ZNF652: variants seen among roughly 807,000 people sequenced by gnomAD.
ZNF652 encodes zinc finger protein 652.
In ZNF652, 16 loss-of-function variants were observed where a neutral mutation model predicts 45.2. The observed-to-expected ratio is 0.35, with a 90% CI of 0.24 to 0.54. The LOEUF is 0.54. Among genes scored for constraint, ZNF652 ranks in the 20% least tolerant of loss-of-function variants. The probability of loss-of-function intolerance (pLI) is 0.91; values close to 1 mark genes in which losing one functional copy is unlikely to be tolerated. For synonymous variants in ZNF652, 250 were observed against 260.6 expected (o/e 0.96, Z 0.39); for missense variants, 614 against 765.6 (o/e 0.80, Z 2.34).
chr17:49,306,683 A>G (rs550074823), intron 5 of ZNF652, among the ~76,000 whole-genome samples: 5 of 152,332 alleles, frequency 3.3e-5, no homozygotes, highest in Admixed American at 6.5e-5. Flanking sequence ...TCTCTTTGCT[A>G]TAATAATCCT....
chr17:49,303,477 T>A (rs2069583364), intron 5 of ZNF652, among the ~76,000 whole-genome samples: 1 of 152,112 alleles, frequency 6.6e-6, no homozygotes, highest in Non-Finnish European at 1.5e-5. Context: ...TGACTTCAAC[T>A]GATCCATCCA....
chr17:49,304,421 G>A (rs980337667), intron 5 of ZNF652, among the ~76,000 whole-genome samples: 5 of 151,952 alleles, frequency 3.3e-5, no homozygotes, highest in African/African-American at 9.7e-5. Flanking sequence ...TCATTAGGCC[G>A]CATCTCCTAA....
At chr17:49,311,840 TG>T in intron 4 of ZNF652, 86 bp downstream of exon 4, 1 of 1,145,864 alleles carries the variant, frequency 8.7e-7, no homozygotes, top group Admixed American at 2.1e-5. Context: ...TTGTGCCTCC[TG>T]CTCCAGCACA....
chr17:49,298,033 TC>T lies in ZNF652; in HGVS notation c.*379del, dbSNP rs2143693079. The T allele has an allele frequency of 4.7e-6, 1 of 210,576 alleles. No homozygotes were observed. The highest frequency in any genetic ancestry group is 7.9e-5 in the South Asian group (1 of 12,650). The allele number at this position is 210,576 out of a possible 1,614,324, so 13.0% of individuals were successfully genotyped here. On this transcript the variant is annotated 3_prime_UTR_variant, in exon 6 of 6. Coordinates refer to ENST00000430262, the MANE Select transcript of ZNF652 (RefSeq NM_001145365.3). ...ATGCTCTGGATTAATCTCACAGCCT[TC>T]CCGATTAGTACAAAGGAAACCAGGC... is the stretch of plus-strand genomic sequence containing the variant.
At position 49,345,494 on chromosome 17, in the gene ZNF652, G is replaced by A. The variant is rs114376803; in HGVS notation, c.-259+16415C>T. Among the ~76,000 whole-genome samples, 1,400 of 150,344 alleles carry A rather than the reference G, an allele frequency of 9.3e-3. 23 individuals carry two copies. Among genetic ancestry groups the A allele is most frequent in the African/African-American group, 0.032 (1,323 of 41,254 alleles). On this transcript the variant is annotated intron_variant, in intron 1 of 5. Coordinates refer to ENST00000430262, the MANE Select transcript of ZNF652 (RefSeq NM_001145365.3). Reference sequence around the variant, plus strand: ...TGGGATTACAGGCGTAAGCCACCGCGCCTGGCCGTGTTATTTCTTCAATAA... The same window carrying A: ...TGGGATTACAGGCGTAAGCCACCGCACCTGGCCGTGTTATTTCTTCAATAA...
At chr17:49,335,241 T>C (rs545379580) in intron 1 of ZNF652, among the ~76,000 whole-genome samples, 21 of 152,332 alleles carry the variant, frequency 1.4e-4, no homozygotes, top group African/African-American at 4.6e-4. Context: ...AATGATATTA[T>C]TGATTTACTG....
At chr17:49,351,002 TATATATATATATACACACAC>T (rs888077109) in intron 1 of ZNF652, among the ~76,000 whole-genome samples, 3 of 20,514 alleles carry the variant, frequency 1.5e-4, no homozygotes, top group African/African-American at 8.0e-4. Flanking sequence ...TATATATATA[TATATATATATATACACACAC>T]ACACACACAC....
intron 5 of ZNF652, among the ~76,000 whole-genome samples, chr17:49,303,258 T>TTTTTTTTTTTTTA (rs1598283526): frequency 2.7e-5 from 4 of 149,738 alleles, no homozygotes; most frequent in African/African-American, 7.4e-5. Context: ...TTTTTTTTTT[T>TTTTTTTTTTTTTA]GAGACAGGGT....
intron 1 of ZNF652, among the ~76,000 whole-genome samples, chr17:49,322,832 C>T (rs2069911886): frequency 6.6e-6 from 1 of 152,190 alleles, no homozygotes; most frequent in Non-Finnish European, 1.5e-5. Context: ...TGGCAGTGAG[C>T]CAAGATCGTG....
chr17:49,311,216 A>C, intron 5 of ZNF652, 96 bp downstream of exon 5: 1 of 1,342,126 alleles, frequency 7.5e-7, no homozygotes, highest in Non-Finnish European at 1.0e-6. Context: ...CTTTGAATGC[A>C]AATTTGTGGT....
intron 2 of ZNF652, among the ~76,000 whole-genome samples, chr17:49,315,544 TAA>T (rs2069790428): frequency 1.4e-5 from 2 of 142,418 alleles, no homozygotes; most frequent in Non-Finnish European, 3.0e-5. Context: ...TTCTGTAACT[TAA>T]ACAGACTTAA....
intron 1 of ZNF652, among the ~76,000 whole-genome samples, chr17:49,342,337 A>G (rs2070156692): frequency 6.6e-6 from 1 of 152,164 alleles, no homozygotes; most frequent in Admixed American, 6.5e-5. Context: ...TAAATTCAGG[A>G]AATTCTAAAA....
At position 49,298,265 on chromosome 17, in the gene ZNF652, C is replaced by T. The variant is rs1728501867; in HGVS notation, c.*148G>A. The T allele has an allele frequency of 7.1e-6, 7 of 992,362 alleles. 1 individual carries two copies. The South Asian group carries it at 8.5e-5, about 12-fold the overall frequency. The allele number at this position is 992,362 out of a possible 1,614,324, so 61.5% of individuals were successfully genotyped here. A position where few individuals can be genotyped will look rare whatever the true frequency, so the allele number is the denominator to read the frequency against. ...CTCAAGGTAGTCTTCTTGTTCATTCCCTTGGATCTGTTGATTCAGTGACAC... is the reference window on the plus strand; with the variant it reads ...CTCAAGGTAGTCTTCTTGTTCATTCTCTTGGATCTGTTGATTCAGTGACAC... On this transcript the variant is annotated 3_prime_UTR_variant, in exon 6 of 6. Coordinates refer to ENST00000430262, the MANE Select transcript of ZNF652 (RefSeq NM_001145365.3).
intron 1 of ZNF652, among the ~76,000 whole-genome samples, chr17:49,340,862 C>T (rs2070137960): frequency 6.6e-6 from 1 of 152,044 alleles, no homozygotes; most frequent in Non-Finnish European, 1.5e-5. Context: ...TGGAGTGGAA[C>T]ATTTGGGGCC....
chr17:49,333,139 G>A (rs2070042398), intron 1 of ZNF652, among the ~76,000 whole-genome samples: 4 of 151,466 alleles, frequency 2.6e-5, no homozygotes, highest in African/African-American at 7.3e-5. Flanking sequence ...CTCACTGCAA[G>A]CTCCGTCTCC....
chr17:49,362,365 T>A, upstream of ZNF652: 1 of 150,912 alleles, frequency 6.6e-6, no homozygotes, highest in Non-Finnish European at 1.5e-5. Flanking sequence ...TCCCGGCCGC[T>A]GGGAGCGGCG....
chr17:49,288,927 G>A (rs1265462034), downstream of ZNF652, among the ~76,000 whole-genome samples: 1 of 151,974 alleles, frequency 6.6e-6, no homozygotes. Flanking sequence ...ATTATTGCTC[G>A]GCTGAACAAA....
chr17:49,355,290 A>G (rs575726788), intron 1 of ZNF652, among the ~76,000 whole-genome samples: 1 of 152,344 alleles, frequency 6.6e-6, no homozygotes, highest in South Asian at 2.1e-4. Flanking sequence ...GAGACAGTAA[A>G]AGAAAAAAAT....
At chr17:49,353,928 T>C (rs1404965980) in intron 1 of ZNF652, among the ~76,000 whole-genome samples, 2 of 152,250 alleles carry the variant, frequency 1.3e-5, no homozygotes, top group Middle Eastern at 3.4e-3. Context: ...ACATAAATCA[T>C]CTTTAAAGAA....
Sources: allele counts gnomAD v4.1 joint callset (sites outside exome capture counted in the v4.1 genomes callset), GRCh38; gene constraint gnomAD v4.1.1; transcripts MANE v1.5; gene names NCBI Gene and HGNC (gene_info 2026-07-23, HGNC 2026-07-21).